CHN1: variants seen among roughly 807,000 people sequenced by gnomAD.
CHN1 encodes the protein N-chimaerin.
CHN1 carries 37 observed loss-of-function variants against 59.5 expected under a neutral mutation model. The observed-to-expected ratio is 0.62, with a 90% CI of 0.48 to 0.82. The LOEUF (loss-of-function observed/expected upper bound fraction) is 0.82, where lower values mean the gene tolerates loss of function less well. Among genes scored for constraint, CHN1 ranks in the 40% least tolerant of loss-of-function variants. The probability of loss-of-function intolerance (pLI) is 0.00; values close to 1 mark genes in which losing one functional copy is unlikely to be tolerated. For missense variants in CHN1, 469 were observed against 571.0 expected (o/e 0.82, Z 1.82); for synonymous variants, 206 against 200.4 (o/e 1.03, Z -0.24).
intron 7 of CHN1, among the ~76,000 whole-genome samples, chr2:174,840,632 T>C (rs1686267278): frequency 6.6e-6 from 1 of 152,166 alleles, no homozygotes; most frequent in Non-Finnish European, 1.5e-5. Flanking sequence ...TGATAAATAC[T>C]TGAGGGATGA....
At chr2:174,878,191 A>AAAAAAC (rs1553480196) in intron 5 of CHN1, 63 bp from the exon 6 acceptor site, 6 of 1,432,160 alleles carry the variant, frequency 4.2e-6, no homozygotes, top group Middle Eastern at 1.8e-4. Flanking sequence ...CTTTCTGAAA[A>AAAAAAC]AAAAACAAAA....
At chr2:174,948,138 G>A (rs886226511) in intron 2 of CHN1, among the ~76,000 whole-genome samples, 1 of 152,172 alleles carries the variant, frequency 6.6e-6, no homozygotes, top group African/African-American at 2.4e-5. Flanking sequence ...GTATCTTGAA[G>A]TCAAAATTGG....
intron 3 of CHN1, among the ~76,000 whole-genome samples, chr2:174,932,295 C>T (rs748389729): frequency 1.3e-5 from 2 of 152,102 alleles, no homozygotes; most frequent in Admixed American, 6.6e-5. Context: ...CATCCATATC[C>T]CCTCCATTTT....
intron 7 of CHN1, among the ~76,000 whole-genome samples, chr2:174,831,377 A>T (rs1051845819): frequency 1.6e-4 from 25 of 152,174 alleles, no homozygotes; most frequent in African/African-American, 6.0e-4. Context: ...CTTGCTTAGA[A>T]TCATAAACAA....
intron 7 of CHN1, among the ~76,000 whole-genome samples, chr2:174,826,210 C>T (rs1324565221): frequency 6.6e-6 from 1 of 152,174 alleles, no homozygotes; most frequent in African/African-American, 2.4e-5. Flanking sequence ...TAATGATGTT[C>T]AGAGCCTGTA....
At chr2:174,894,134 ACTT>A (rs76284972) in intron 5 of CHN1, among the ~76,000 whole-genome samples, 47,331 of 151,750 alleles carry the variant, frequency 0.31, 8,532 homozygotes, top group Admixed American at 0.45. Flanking sequence ...AGCACAAAAA[ACTT>A]CTGCACAATG....
chr2:174,893,149 G>C (rs1558970324), intron 5 of CHN1, among the ~76,000 whole-genome samples: 1 of 152,264 alleles, frequency 6.6e-6, no homozygotes, highest in East Asian at 1.9e-4. Flanking sequence ...GAAATTAAAA[G>C]CATCCAAATT....
chr2:174,923,163 C>T (rs541613038), intron 3 of CHN1, among the ~76,000 whole-genome samples: 13 of 150,554 alleles, frequency 8.6e-5, no homozygotes, highest in South Asian at 2.1e-4. Context: ...CTTTTTGAGA[C>T]GGAGTCTCGC....
At chr2:174,926,827 G>A (rs1372618630) in intron 3 of CHN1, among the ~76,000 whole-genome samples, 10 of 150,972 alleles carry the variant, frequency 6.6e-5, no homozygotes, top group African/African-American at 1.2e-4. Flanking sequence ...GCATGATCTC[G>A]GCTCACTGCA....
chr2:174,964,729 T>G (rs1036121035), intron 1 of CHN1, among the ~76,000 whole-genome samples: 1 of 152,234 alleles, frequency 6.6e-6, no homozygotes, highest in African/African-American at 2.4e-5. Flanking sequence ...GCATTTGTTA[T>G]AGGAAATGAA....
intron 6 of CHN1, among the ~76,000 whole-genome samples, chr2:174,855,948 C>T (rs1284972123): frequency 2.0e-5 from 3 of 152,118 alleles, no homozygotes; most frequent in African/African-American, 7.2e-5. Context: ...TCTAGACTAT[C>T]CTGCCTCTCA....
chr2:174,842,479 A>C (rs2105428885), intron 7 of CHN1, among the ~76,000 whole-genome samples: 1 of 152,334 alleles, frequency 6.6e-6, no homozygotes, highest in South Asian at 2.1e-4. Flanking sequence ...ACTATAATTA[A>C]GTCCGAGAAT....
chr2:174,804,902 GA>G (rs767039705), intron 11 of CHN1, among the ~76,000 whole-genome samples: 36 of 152,316 alleles, frequency 2.4e-4, no homozygotes, highest in Non-Finnish European at 4.6e-4. Context: ...GGAAACAAAT[GA>G]CAAAATGCAC....
chr2:174,948,918 C>G (rs1355265194), intron 2 of CHN1, among the ~76,000 whole-genome samples: 4 of 152,098 alleles, frequency 2.6e-5, no homozygotes, highest in Non-Finnish European at 5.9e-5. Flanking sequence ...GTCCCAAAGA[C>G]TATTAGTAGA....
chr2:174,856,816 A>G (rs1047022441), intron 6 of CHN1, among the ~76,000 whole-genome samples: 2 of 152,174 alleles, frequency 1.3e-5, no homozygotes, highest in Non-Finnish European at 2.9e-5. Flanking sequence ...GCACACAAGT[A>G]TGTGCTGAAA....
chr2:174,842,181 C>T (rs1306596402), intron 7 of CHN1, among the ~76,000 whole-genome samples: 1 of 152,130 alleles, frequency 6.6e-6, no homozygotes, highest in Non-Finnish European at 1.5e-5. Context: ...TCTTGAGCAT[C>T]TGCTAGTTAC....
intron 3 of CHN1, among the ~76,000 whole-genome samples, chr2:174,942,459 T>C (rs1689694347): frequency 6.6e-6 from 1 of 151,962 alleles, no homozygotes; most frequent in Admixed American, 6.6e-5. Context: ...GCTAAATAAA[T>C]TGATCTCACA....
intron 5 of CHN1, among the ~76,000 whole-genome samples, chr2:174,902,770 CTTCT>C (rs970031764): frequency 6.6e-6 from 1 of 152,148 alleles, no homozygotes; most frequent in African/African-American, 2.4e-5. Context: ...TTTGATCCTT[CTTCT>C]TTAACATGAA....
chr2:174,867,980 T>G lies in CHN1; in HGVS notation c.549+9860A>C, dbSNP rs189739824. ...AAAATAAAAATATAAAAGTGTACAT[T>G]AATCTATGCGTAGGAAGACAGACTA... On this transcript the variant is annotated intron_variant, in intron 6 of 12. Coordinates refer to ENST00000409900, the MANE Select transcript of CHN1 (RefSeq NM_001822.7). Among the ~76,000 whole-genome samples, 237 of 152,318 alleles carry G rather than the reference T, an allele frequency of 1.6e-3. 1 individual carries two copies. Among genetic ancestry groups the G allele is most frequent in the East Asian group, 5.8e-4 (3 of 5,190 alleles).
Sources: allele counts gnomAD v4.1 joint callset (sites outside exome capture counted in the v4.1 genomes callset), GRCh38; gene constraint gnomAD v4.1.1; transcripts MANE v1.5; gene names NCBI Gene and HGNC (gene_info 2026-07-23, HGNC 2026-07-21).